The following COMMD10 variants were observed in gnomAD, a reference collection of about 807,000 sequenced individuals.
The protein encoded by COMMD10 is COMM domain containing 10.
In COMMD10, 33 loss-of-function variants were observed where a neutral mutation model predicts 28.9. That is an observed-to-expected ratio of 1.14 (90% CI 0.87 to 1.53). The LOEUF (loss-of-function observed/expected upper bound fraction) is 1.53. Among genes scored for constraint, COMMD10 ranks in the 40% most tolerant of loss-of-function variants. The probability of loss-of-function intolerance (pLI) is 0.00; values close to 1 mark genes in which losing one functional copy is unlikely to be tolerated. For synonymous variants in COMMD10, 110 were observed against 81.7 expected, an observed-to-expected ratio of 1.35 and a Z score of -1.87; for missense variants, 310 against 233.4, an observed-to-expected ratio of 1.33 and a Z score of -2.14.
chr5:116,225,463 G>T (rs780514643), intron 5 of COMMD10, among the ~76,000 whole-genome samples: 1 of 149,216 alleles, frequency 6.7e-6, no homozygotes, highest in Non-Finnish European at 1.5e-5. Flanking sequence ...GAGGACCTTG[G>T]TTTTTTGTTC....
intron 4 of COMMD10, among the ~76,000 whole-genome samples, chr5:116,130,509 T>C (rs1280377036): frequency 6.6e-6 from 1 of 151,988 alleles, no homozygotes; most frequent in African/African-American, 2.4e-5. Flanking sequence ...CCAAAGAAAC[T>C]GTAATCTAGA....
At chr5:116,131,291 T>G (rs1181596324) in intron 4 of COMMD10, among the ~76,000 whole-genome samples, 1 of 151,948 alleles carries the variant, frequency 6.6e-6, no homozygotes. Context: ...GCAAACCAAA[T>G]GAAAGCTAGG....
intron 5 of COMMD10, among the ~76,000 whole-genome samples, chr5:116,201,677 G>C (rs1258252844): frequency 2.0e-5 from 3 of 152,046 alleles, no homozygotes; most frequent in Non-Finnish European, 4.4e-5. Flanking sequence ...TTACATGCCA[G>C]ACCAGAAACC....
chr5:116,198,940 C>T (rs62384236), intron 5 of COMMD10, among the ~76,000 whole-genome samples: 11,098 of 152,120 alleles, frequency 0.073, 475 homozygotes, highest in Admixed American at 0.13. Context: ...TTTTTGTATG[C>T]ACGTAAGTCT....
chr5:116,242,090 A>T (rs1280650398), intron 5 of COMMD10, among the ~76,000 whole-genome samples: 6 of 152,090 alleles, frequency 3.9e-5, no homozygotes, highest in Non-Finnish European at 5.9e-5. Context: ...ACATTCCTTA[A>T]CTCTGAAGCT....
chr5:116,282,033 CAT>C (rs1326777421), intron 5 of COMMD10, among the ~76,000 whole-genome samples: 1 of 151,906 alleles, frequency 6.6e-6, no homozygotes, highest in African/African-American at 2.4e-5. Context: ...GCTCTCCAGA[CAT>C]ATATTGTCAA....
chr5:116,234,431 G>A (rs1431013925), intron 5 of COMMD10, among the ~76,000 whole-genome samples: 1 of 152,206 alleles, frequency 6.6e-6, no homozygotes, highest in African/African-American at 2.4e-5. Flanking sequence ...AAGGTCACAT[G>A]GACAGGAACA....
At chr5:116,277,351 A>G (rs1258744281) in intron 5 of COMMD10, among the ~76,000 whole-genome samples, 7 of 151,930 alleles carry the variant, frequency 4.6e-5, no homozygotes. Context: ...TAATCAGGTA[A>G]TTAGGTTAGC....
At chr5:116,116,983 A>G (rs1751261400) in intron 4 of COMMD10, among the ~76,000 whole-genome samples, 1 of 152,268 alleles carries the variant, frequency 6.6e-6, no homozygotes. Context: ...TCACTTTTTT[A>G]TTTCTGTCAC....
intron 5 of COMMD10, among the ~76,000 whole-genome samples, chr5:116,286,871 A>C (rs1185451187): frequency 6.6e-6 from 1 of 151,840 alleles, no homozygotes; most frequent in East Asian, 1.9e-4. Context: ...TGTTAGGTCT[A>C]ATTGGTCTAT....
intron 5 of COMMD10, among the ~76,000 whole-genome samples, chr5:116,136,328 T>A (rs1309176966): frequency 6.6e-6 from 1 of 152,240 alleles, no homozygotes; most frequent in East Asian, 1.9e-4. Context: ...TAGCATAGAC[T>A]GGAGCTATTC....
chr5:116,096,539 G>C (rs1488390244), intron 4 of COMMD10, among the ~76,000 whole-genome samples: 1 of 151,952 alleles, frequency 6.6e-6, no homozygotes, highest in African/African-American at 2.4e-5. Flanking sequence ...TGTGAATAAA[G>C]ACAGTTTTAT....
chr5:116,268,071 A>G (rs1470907167), intron 5 of COMMD10, among the ~76,000 whole-genome samples: 2 of 151,868 alleles, frequency 1.3e-5, no homozygotes, highest in African/African-American at 2.4e-5. Flanking sequence ...ACCAAAAGCA[A>G]TGGTAACAAA....
At chr5:116,289,958 C>T (rs1355470656) in intron 5 of COMMD10, among the ~76,000 whole-genome samples, 1 of 151,928 alleles carries the variant, frequency 6.6e-6, no homozygotes, top group Admixed American at 6.6e-5. Flanking sequence ...TTCGAAGTTA[C>T]ATTTCTTCTC....
chr5:116,203,644 T>C lies in COMMD10; in HGVS notation c.510+69466T>C, dbSNP rs1377800663. Reference sequence around the variant, plus strand: ...AATTTCATATCCAACCAAACTAAGCTTCATGAGTGAAGGAGAAATAAAATA... The same window carrying C: ...AATTTCATATCCAACCAAACTAAGCCTCATGAGTGAAGGAGAAATAAAATA... On this transcript the variant is annotated intron_variant, in intron 5 of 6. Transcript: ENST00000274458. 5.9e-5 allele frequency among the ~76,000 whole-genome samples: 9 copies of C among 151,914 alleles called. No individual in the cohort carries two copies. The South Asian group carries it at 1.7e-3, about 28-fold the overall frequency.
At chr5:116,260,604 A>T (rs75455446) in intron 5 of COMMD10, among the ~76,000 whole-genome samples, 8,211 of 151,896 alleles carry the variant, frequency 0.054, 408 homozygotes, top group African/African-American at 0.11. Context: ...GTTCTATGCA[A>T]GATTTAGTAA....
chr5:116,282,715 A>T (rs1250483911), intron 5 of COMMD10, among the ~76,000 whole-genome samples: 2 of 151,864 alleles, frequency 1.3e-5, no homozygotes, highest in Non-Finnish European at 2.9e-5. Context: ...GTGTCTTTGC[A>T]TGGTCTTCCT....
intron 5 of COMMD10, among the ~76,000 whole-genome samples, chr5:116,134,622 C>T (rs372141185): frequency 6.6e-6 from 1 of 151,994 alleles, no homozygotes; most frequent in Non-Finnish European, 1.5e-5. Context: ...TTGAGAAATA[C>T]AATTTATTTA....
intron 5 of COMMD10, among the ~76,000 whole-genome samples, chr5:116,256,561 G>A (rs552595933): frequency 1.3e-5 from 2 of 151,558 alleles, no homozygotes; most frequent in Non-Finnish European, 2.9e-5. Flanking sequence ...TCCGTCTTTG[G>A]CATTTGAAAC....
Sources: allele counts gnomAD v4.1 joint callset (sites outside exome capture counted in the v4.1 genomes callset), GRCh38; gene constraint gnomAD v4.1.1; transcripts MANE v1.5; gene names NCBI Gene and HGNC (gene_info 2026-07-23, HGNC 2026-07-21).